The following KITLG variants were observed in gnomAD, a reference collection of about 807,000 sequenced individuals.
KITLG encodes KIT ligand.
KITLG carries 13 observed loss-of-function variants against 34.1 expected under a neutral mutation model. The observed-to-expected ratio is 0.38, with a 90% CI of 0.25 to 0.61. The LOEUF is 0.61. Ranked by LOEUF, KITLG falls within the 20% of genes least tolerant of loss-of-function variation. KITLG has a pLI of 0.60. For missense variants in KITLG, 292 were observed against 318.9 expected, an observed-to-expected ratio of 0.92 and a Z score of 0.64; for synonymous variants, 110 against 104.0, an observed-to-expected ratio of 1.06 and a Z score of -0.35.
chr12:88,548,657 C>T (rs1249428481), intron 1 of KITLG, among the ~76,000 whole-genome samples: 1 of 152,076 alleles, frequency 6.6e-6, no homozygotes, highest in Non-Finnish European at 1.5e-5. Flanking sequence ...AACTTCTATT[C>T]ATTTTCTAGA....
chr12:88,538,983 A>C (rs1372941844), intron 2 of KITLG, among the ~76,000 whole-genome samples: 12 of 152,324 alleles, frequency 7.9e-5, no homozygotes, highest in Non-Finnish European at 1.2e-4. Context: ...CTGGAAAAAC[A>C]TCCATGGGAG....
chr12:88,541,830 G>A (rs543107793), intron 2 of KITLG, among the ~76,000 whole-genome samples: 26 of 152,168 alleles, frequency 1.7e-4, no homozygotes, highest in African/African-American at 6.3e-4. Flanking sequence ...AAAAAAATTT[G>A]ACATTAAAGT....
chr12:88,498,876 G>C (rs1329852003), intron 9 of KITLG, among the ~76,000 whole-genome samples: 1 of 152,000 alleles, frequency 6.6e-6, no homozygotes, highest in Non-Finnish European at 1.5e-5. Context: ...TCTTAAGAAA[G>C]AAAGACTCTC....
intron 5 of KITLG, 126 bp from the exon 6 acceptor site, chr12:88,515,743 T>C (rs1411162522): frequency 5.7e-6 from 4 of 705,170 alleles, no homozygotes; most frequent in African/African-American, 1.8e-5. Flanking sequence ...AGTATTCAGA[T>C]CCTATTTATT....
chr12:88,526,328 A>T (rs776747141), intron 3 of KITLG, among the ~76,000 whole-genome samples: 9 of 152,218 alleles, frequency 5.9e-5, no homozygotes, highest in Non-Finnish European at 1.2e-4. Context: ...ACGTATCTAA[A>T]AGAAGATAAT....
chr12:88,534,570 T>A (rs529779139), intron 2 of KITLG: 1 of 407,000 alleles, frequency 2.5e-6, no homozygotes. Flanking sequence ...TTTTGCTATG[T>A]TGGCCAGTCT....
rs1868519276 is a variant in KITLG, at chr12:88,494,127, A to G, written c.*3092T>C. On this transcript the variant is annotated 3_prime_UTR_variant, in exon 10 of 10. Transcript: ENST00000644744. ...ATAAATAAAAAATTGAGACCCAAAG[A>G]AGAGAGGTGATTTACCATATCAGTT... 1 of 151,898 alleles carries G rather than the reference A, an allele frequency of 6.6e-6. No homozygotes were observed. The highest frequency in any genetic ancestry group is 1.5e-5 in the Non-Finnish European group (1 of 67,848). 9.4% of individuals were successfully genotyped at this position (151,898 alleles called of 1,614,324 possible). A position where few individuals can be genotyped will look rare whatever the true frequency, so the allele number is the denominator to read the frequency against.
At chr12:88,510,649 A>G (rs1869242023) in intron 6 of KITLG, among the ~76,000 whole-genome samples, 2 of 152,226 alleles carry the variant, frequency 1.3e-5, no homozygotes, top group Non-Finnish European at 2.9e-5. Flanking sequence ...CTTATCATAA[A>G]GGATATTACT....
chr12:88,567,653 T>C (rs897516348), intron 1 of KITLG, among the ~76,000 whole-genome samples: 2 of 152,092 alleles, frequency 1.3e-5, no homozygotes, highest in Non-Finnish European at 1.5e-5. Flanking sequence ...ATTCAACACA[T>C]GCAAAAAAAA....
chr12:88,525,732 TCA>T (rs1276077363), intron 3 of KITLG, among the ~76,000 whole-genome samples: 1 of 152,026 alleles, frequency 6.6e-6, no homozygotes, highest in Non-Finnish European at 1.5e-5. Context: ...TCCATAGAAG[TCA>T]CAAGATAATA....
chr12:88,536,297 T>A (rs1357704226), intron 2 of KITLG, among the ~76,000 whole-genome samples: 1 of 152,100 alleles, frequency 6.6e-6, no homozygotes, highest in Non-Finnish European at 1.5e-5. Flanking sequence ...TATGAAAAAT[T>A]GCTTAACCTC....
At chr12:88,572,597 A>AT (rs68035458) in intron 1 of KITLG, among the ~76,000 whole-genome samples, 1 of 137,084 alleles carries the variant, frequency 7.3e-6, no homozygotes, top group East Asian at 2.2e-4. Context: ...ATACATTATT[A>AT]TATATATATA....
intron 3 of KITLG, 95 bp from the exon 4 acceptor site, chr12:88,518,962 A>C (rs1315246112): frequency 9.1e-7 from 1 of 1,101,390 alleles, no homozygotes; most frequent in Non-Finnish European, 1.3e-6. Flanking sequence ...TTAGTTACTC[A>C]AGTGATTCTC....
intron 1 of KITLG, among the ~76,000 whole-genome samples, chr12:88,577,513 A>C (rs527781582): frequency 6.6e-6 from 1 of 152,364 alleles, no homozygotes; most frequent in East Asian, 1.9e-4. Flanking sequence ...TTGTTATCCA[A>C]TATGGTGTAT....
intron 3 of KITLG, among the ~76,000 whole-genome samples, chr12:88,532,079 G>A (rs777862142): frequency 6.6e-6 from 1 of 152,040 alleles, no homozygotes; most frequent in Non-Finnish European, 1.5e-5. Flanking sequence ...ATGTGCATAG[G>A]TTATATGCAA....
intron 2 of KITLG, among the ~76,000 whole-genome samples, chr12:88,541,484 A>G (rs1870516511): frequency 6.6e-6 from 1 of 152,186 alleles, no homozygotes; most frequent in African/African-American, 2.4e-5. Context: ...CAAAGAGAAG[A>G]GTAGGGAGAA....
intron 4 of KITLG, among the ~76,000 whole-genome samples, chr12:88,516,840 GA>G (rs201320418): frequency 0.029 from 2,479 of 86,228 alleles, 17 homozygotes; most frequent in South Asian, 0.044. Context: ...CCAGTCTTTA[GA>G]AAAAAAAAAA....
Position 88,507,148 on chromosome 12 carries a change from A to G in KITLG, c.605-11T>C, listed in dbSNP as rs1362459301. On this transcript the variant is annotated splice_polypyrimidine_tract_variant and intron_variant, in intron 6 of 9. Transcript: ENST00000644744. ...GATTTTTGGCCTTCCCTATAATTTA[A>G]AGAACACACTGATGAATACAGCATA... is the stretch of plus-strand genomic sequence containing the variant. 1 of 1,497,060 alleles carries G rather than the reference A, an allele frequency of 6.7e-7. No individual in the cohort carries two copies. Among genetic ancestry groups the G allele is most frequent in the East Asian group, 2.3e-5 (1 of 44,264 alleles). 92.7% of individuals were successfully genotyped at this position (1,497,060 alleles called of 1,614,324 possible).
intron 3 of KITLG, among the ~76,000 whole-genome samples, chr12:88,521,145 AT>A (rs1454085079): frequency 6.6e-6 from 1 of 152,062 alleles, no homozygotes; most frequent in Admixed American, 6.5e-5. Context: ...TCAAAGTTCT[AT>A]TTTTCAGTAA....
Sources: gnomAD v4.1 joint callset for allele counts (sites outside exome capture counted in the v4.1 genomes callset) on GRCh38, gnomAD v4.1.1 for gene constraint, MANE v1.5 for transcripts, NCBI Gene and HGNC (gene_info 2026-07-23, HGNC 2026-07-21) for gene names.